The following PDSS2 variants were observed in gnomAD, a reference collection of about 807,000 sequenced individuals.
PDSS2 encodes decaprenyl diphosphate synthase subunit 2, also known as all trans-polyprenyl-diphosphate synthase PDSS2.
PDSS2 carries 31 observed loss-of-function variants against 44.5 expected under a neutral mutation model. That is an observed-to-expected ratio of 0.70 (90% CI 0.52 to 0.94). The LOEUF (loss-of-function observed/expected upper bound fraction) is 0.94, where lower values mean the gene tolerates loss of function less well. Ranked by LOEUF, PDSS2 falls within the 40% of genes least tolerant of loss-of-function variation. The pLI is 0.00. For missense variants in PDSS2, 452 were observed against 482.2 expected (o/e 0.94, Z 0.59); for synonymous variants, 157 against 180.3 (o/e 0.87, Z 1.03).
rs371134229 is a variant in PDSS2 at position 107,170,621 on chromosome 6, C to T, written c.1042-15844G>A. Among the ~76,000 whole-genome samples, 36 of 38,840 alleles carry T rather than the reference C, an allele frequency of 9.3e-4. 1 individual carries two copies. The highest frequency in any genetic ancestry group is 1.5e-3 in the African/African-American group (14 of 9,628). 25.5% of individuals were successfully genotyped at this position (38,840 alleles called of 152,430 possible). On this transcript the variant is annotated intron_variant, in intron 7 of 7. Coordinates refer to ENST00000369037, the MANE Select transcript of PDSS2 (RefSeq NM_020381.4). ...TCTTGGAACCACCCCCCCCCCCCCACTTTTTTTTTTCTGAGACAGCCTCAC... is the reference window on the plus strand; with the variant it reads ...TCTTGGAACCACCCCCCCCCCCCCATTTTTTTTTTTCTGAGACAGCCTCAC...
At chr6:107,351,567 T>C (rs772740316) in intron 1 of PDSS2, among the ~76,000 whole-genome samples, 53 of 152,304 alleles carry the variant, frequency 3.5e-4, no homozygotes, top group Admixed American at 4.6e-4. Context: ...CTAACTTGCA[T>C]ATTACTCAAG....
At chr6:107,357,776 A>C (rs1778638093) in intron 1 of PDSS2, among the ~76,000 whole-genome samples, 1 of 152,206 alleles carries the variant, frequency 6.6e-6, no homozygotes, top group African/African-American at 2.4e-5. Context: ...TAAAGAATTT[A>C]AAATTTTGAA....
intron 4 of PDSS2, among the ~76,000 whole-genome samples, chr6:107,234,380 T>A (rs1338490877): frequency 6.6e-6 from 1 of 152,040 alleles, no homozygotes; most frequent in Non-Finnish European, 1.5e-5. Flanking sequence ...TAATTTTGTA[T>A]TTTTAGTAGC....
chr6:107,270,370 C>T (rs888606171), intron 3 of PDSS2, among the ~76,000 whole-genome samples: 9 of 152,040 alleles, frequency 5.9e-5, no homozygotes, highest in African/African-American at 2.2e-4. Context: ...CCTCAGCCTC[C>T]GAAAGTGCTG....
chr6:107,242,959 T>G (rs764246003), intron 4 of PDSS2, among the ~76,000 whole-genome samples: 1 of 152,168 alleles, frequency 6.6e-6, no homozygotes, highest in Non-Finnish European at 1.5e-5. Context: ...TGCTATAAAG[T>G]CTCTTTAATA....
intron 1 of PDSS2, among the ~76,000 whole-genome samples, chr6:107,448,238 C>T (rs886283410): frequency 1.8e-4 from 27 of 152,212 alleles, no homozygotes; most frequent in African/African-American, 6.5e-4. Flanking sequence ...ATTACTTATG[C>T]AAATTTGTGC....
intron 1 of PDSS2, among the ~76,000 whole-genome samples, chr6:107,363,666 C>T (rs771465929): frequency 1.3e-5 from 2 of 152,226 alleles, no homozygotes; most frequent in Admixed American, 6.5e-5. Context: ...GGGACCCGAG[C>T]GGGTTGCCAA....
At chr6:107,389,219 G>A (rs1311756447) in intron 1 of PDSS2, among the ~76,000 whole-genome samples, 1 of 152,094 alleles carries the variant, frequency 6.6e-6, no homozygotes, top group East Asian at 1.9e-4. Context: ...GAACTTTCAT[G>A]TATAAAAAGT....
intron 6 of PDSS2, among the ~76,000 whole-genome samples, chr6:107,203,834 G>A (rs529367982): frequency 5.3e-5 from 8 of 152,020 alleles, no homozygotes; most frequent in African/African-American, 1.7e-4. Flanking sequence ...CCCCAACCCT[G>A]GGCAACCACC....
chr6:107,158,416 C>T (rs1462142499), intron 7 of PDSS2, among the ~76,000 whole-genome samples: 1 of 152,018 alleles, frequency 6.6e-6, no homozygotes, highest in Admixed American at 6.6e-5. Context: ...AACTCCTGAC[C>T]TCAGGTGATC....
intron 3 of PDSS2, chr6:107,264,135 T>A (rs1775333627): frequency 1.9e-6 from 1 of 540,322 alleles, no homozygotes; most frequent in Non-Finnish European, 2.5e-6. Flanking sequence ...AGGTTTCAAT[T>A]TAACATGAAT....
intron 1 of PDSS2, among the ~76,000 whole-genome samples, chr6:107,409,404 G>A (rs1780421486): frequency 6.6e-6 from 1 of 151,630 alleles, no homozygotes; most frequent in Admixed American, 6.6e-5. Flanking sequence ...TTTTTAATTA[G>A]GGAAATATTG....
intron 2 of PDSS2, among the ~76,000 whole-genome samples, chr6:107,317,597 G>C (rs1777242064): frequency 6.6e-6 from 1 of 152,174 alleles, no homozygotes; most frequent in South Asian, 2.1e-4. Context: ...CCCAGTTTTA[G>C]GAACAAAGTG....
At chr6:107,372,574 C>T (rs1168871690) in intron 1 of PDSS2, among the ~76,000 whole-genome samples, 2 of 152,316 alleles carry the variant, frequency 1.3e-5, no homozygotes, top group South Asian at 2.1e-4. Context: ...GCCTCAGCCT[C>T]CCGAGTAGCT....
chr6:107,417,391 G>A (rs1459078708), intron 1 of PDSS2, among the ~76,000 whole-genome samples: 1 of 152,108 alleles, frequency 6.6e-6, no homozygotes, highest in Non-Finnish European at 1.5e-5. Context: ...AATGCAATCT[G>A]GCAGTGAATT....
At chr6:107,194,410 G>A (rs7744189) in intron 6 of PDSS2, among the ~76,000 whole-genome samples, 2,638 of 152,182 alleles carry the variant, frequency 0.017, 69 homozygotes, top group African/African-American at 0.059. Context: ...TAAAAGCCAT[G>A]CTTCTTTTCA....
chr6:107,310,729 G>A (rs1473185377), intron 2 of PDSS2, among the ~76,000 whole-genome samples: 1 of 152,096 alleles, frequency 6.6e-6, no homozygotes, highest in East Asian at 1.9e-4. Context: ...CATATCTGCA[G>A]GACTGTCAGG....
At chr6:107,370,981 A>G (rs1255220798) in intron 1 of PDSS2, among the ~76,000 whole-genome samples, 2 of 152,138 alleles carry the variant, frequency 1.3e-5, no homozygotes, top group Non-Finnish European at 2.9e-5. Context: ...TCAGAAGTTT[A>G]AGACCAGCCT....
chr6:107,307,447 C>T (rs1192110208), intron 2 of PDSS2, among the ~76,000 whole-genome samples: 2 of 152,026 alleles, frequency 1.3e-5, no homozygotes, highest in African/African-American at 2.4e-5. Flanking sequence ...AATCAGAGTA[C>T]GCATTCAAAT....
Sources: allele counts gnomAD v4.1 joint callset (sites outside exome capture counted in the v4.1 genomes callset), GRCh38; gene constraint gnomAD v4.1.1; transcripts MANE v1.5; gene names NCBI Gene and HGNC (gene_info 2026-07-23, HGNC 2026-07-21).